Variants in DHX37 observed in about 807,000 individuals in gnomAD.
The protein encoded by DHX37 is probable ATP-dependent RNA helicase DHX37.
DHX37 carries 52 observed loss-of-function variants against 134.3 expected under a neutral mutation model. The ratio of observed to expected loss-of-function variants is 0.39; its 90% CI spans 0.31 to 0.49. DHX37 has a LOEUF of 0.49. Among genes scored for constraint, DHX37 ranks in the 20% least tolerant of loss-of-function variants. DHX37 has a pLI of 0.93. For synonymous variants in DHX37, 634 were observed against 670.7 expected (o/e 0.95, Z 0.85); for missense variants, 1,344 against 1,580.8 (o/e 0.85, Z 2.54).
In DHX37 at chr12:124,952,437, G is replaced by C. The variant is rs760244891; in HGVS notation, c.2829C>G (p.Ser943Arg). The C allele has an allele frequency of 2.5e-6, 4 of 1,611,060 alleles. No homozygotes were observed. In the South Asian group the frequency reaches 4.4e-5, roughly 18 times the overall value. ...LGDHLARRVQ[S>R]EEMLEDKWRN... ...TCCACTTGTCCTCCAGCATCTCCTCGCTCTGGACCCTGCGGGCCAAGTGGT... is the reference window on the plus strand; with the variant it reads ...TCCACTTGTCCTCCAGCATCTCCTCCCTCTGGACCCTGCGGGCCAAGTGGT... The change falls in exon 21 of 27, where the codon AGC becomes AGG. Residue 943 changes from serine (S) to arginine (R), a missense_variant. Ser to Arg is a moderately radical substitution (Grantham distance 110). Transcript: ENST00000308736.
In DHX37 at chr12:124,972,506, C is replaced by A. The variant is rs1458239259; in HGVS notation, c.1074G>T (p.Gln358His). 6.2e-7 allele frequency: 1 copy of A among 1,614,204 alleles called. No individual in the cohort carries two copies. Among genetic ancestry groups the A allele is most frequent in the East Asian group, 2.2e-5 (1 of 44,890 alleles). Residue 358 changes from glutamine (Q) to histidine (H), a missense_variant, in exon 7 of 27, where the codon CAG becomes CAT. By Grantham distance (24) the Gln-to-His change is conservative. Around this residue, in one of 7 missense-constraint regions of DHX37, gnomAD observed 30 missense variants for 72.5 expected, o/e 0.41. Transcript: ENST00000308736. ...TGAGCCAGGATCCACAACCAACCTTCTGGATTTCTTTAAGCAGCACACCAT... is the reference window on the plus strand; with the variant it reads ...TGAGCCAGGATCCACAACCAACCTTATGGATTTCTTTAAGCAGCACACCAT... ...MTDGVLLKEIQKDFLLLRYKV... is the reference protein window; with the variant it reads ...MTDGVLLKEIHKDFLLLRYKV...
Position 124,980,389 on chromosome 12 carries a change from G to A in DHX37, c.738+101C>T. 2 of 1,284,058 alleles carry A rather than the reference G, an allele frequency of 1.6e-6. No homozygotes were observed. Among genetic ancestry groups the A allele is most frequent in the East Asian group, 2.6e-5 (1 of 39,174 alleles). 79.5% of individuals were successfully genotyped at this position (1,284,058 alleles called of 1,614,324 possible). On this transcript the variant is annotated intron_variant, in intron 4 of 26. Transcript: ENST00000308736. This position sits in a 1 kb window ranked among gnomAD's most constrained non-coding sequence, Gnocchi z 5.3. ...CCCTTTCCCAGATGGGGACATGGAGGCACAGAGAAGGGATGCCCTTGCCCC... is the reference window on the plus strand; with the variant it reads ...CCCTTTCCCAGATGGGGACATGGAGACACAGAGAAGGGATGCCCTTGCCCC...
intron 15 of DHX37, among the ~76,000 whole-genome samples, chr12:124,961,272 G>GTGCA (rs1954252698): frequency 2.2e-5 from 2 of 90,854 alleles, no homozygotes; most frequent in East Asian, 5.8e-4. Context: ...ACATACACGC[G>GTGCA]TGCACGCACA....
chr12:124,968,551 T>C lies in DHX37; in HGVS notation c.1391A>G (p.His464Arg). ...GGCCTCACCTGCGGGCAGCATCCGG[T>C]GGATCTTGCAGACCTTCCGGAAGCA... The part of the protein sequence containing the change: ...GECFRKVCKI[H>R]RMLPAGGILV... The change falls in exon 10 of 27, where the codon CAC (histidine) becomes CGC (arginine). Residue 464 changes from histidine to arginine, a missense_variant. This residue lies in a region of DHX37 where 289 missense variants were observed against 323.8 expected (regional missense o/e 0.89). Transcript: ENST00000308736. 1.2e-6 allele frequency: 2 copies of C among 1,613,640 alleles called. No individual in the cohort carries two copies. Among genetic ancestry groups the C allele is most frequent in the Non-Finnish European group, 1.7e-6 (2 of 1,180,038 alleles).
intron 8 of DHX37, among the ~76,000 whole-genome samples, chr12:124,969,570 CTGCT>C (rs763980820): frequency 6.6e-5 from 10 of 151,972 alleles, no homozygotes; most frequent in Non-Finnish European, 1.0e-4. Flanking sequence ...CTCACCCTCT[CTGCT>C]TGGCCACTCT....
rs746977756 is a variant in DHX37, at chr12:124,975,444, C to T, written c.955G>A (p.Ala319Thr). The T allele has an allele frequency of 7.5e-5, 121 of 1,612,964 alleles. 1 individual carries two copies. In the East Asian group the frequency reaches 2.6e-3, roughly 35 times the overall value. ...VAAVAMSQRV[A>T]KEMNLSQRVV... ...CGCTGGGACAGATTCATCTCCTTGG[C>T]CACTCGCTGGGACATGGCCACGGCG... Residue 319 changes from alanine to threonine, a missense_variant, in exon 6 of 27, where the codon GCC (alanine) becomes ACC (threonine). By Grantham distance (58) the Ala-to-Thr change is moderately conservative. This residue lies in a region of DHX37 where 32 missense variants were observed against 28.9 expected (regional missense o/e 1.11). Coordinates refer to ENST00000308736, the MANE Select transcript of DHX37 (RefSeq NM_032656.4).
intron 25 of DHX37, 57 bp from the exon 26 acceptor site, chr12:124,948,238 C>T: frequency 6.4e-7 from 1 of 1,574,196 alleles, no homozygotes; most frequent in Non-Finnish European, 8.6e-7. Flanking sequence ...CCGGCTGCTG[C>T]TGGGGGCCCG....
Position 124,982,503 on chromosome 12 carries a change from C to T in DHX37, c.389+8G>A, listed in dbSNP as rs1565894363. ...AGGGCAGGGTTAGCAAAGGACTGGC[C>T]AACTCACTCTTTGGTGTGATACATG... is the stretch of plus-strand genomic sequence containing the variant. On this transcript the variant is annotated splice_region_variant and intron_variant, in intron 3 of 26. Coordinates refer to ENST00000308736, the MANE Select transcript of DHX37 (RefSeq NM_032656.4). 1 of 1,612,980 alleles carries T rather than the reference C, an allele frequency of 6.2e-7. No individual in the cohort carries two copies. The highest frequency in any genetic ancestry group is 8.5e-7 in the Non-Finnish European group (1 of 1,179,388).
rs117859189 is a variant in DHX37 at position 124,947,538 on chromosome 12, C to A, written c.*264G>T. On this transcript the variant is annotated 3_prime_UTR_variant, in exon 27 of 27. Coordinates refer to ENST00000308736, the MANE Select transcript of DHX37 (RefSeq NM_032656.4). ...AATGTAGTCCAAAGAGCACACTGAA[C>A]AGAACAGCGTCCAGCACGTGAGATG... 18 of 437,360 alleles carry A rather than the reference C, an allele frequency of 4.1e-5. No individual in the cohort carries two copies. Among genetic ancestry groups the A allele is most frequent in the African/African-American group, 3.3e-4 (17 of 50,922 alleles). 27.1% of individuals were successfully genotyped at this position (437,360 alleles called of 1,614,324 possible). A position where few individuals can be genotyped will look rare whatever the true frequency, so the allele number is the denominator to read the frequency against.
intron 6 of DHX37, 33 bp downstream of exon 6, chr12:124,975,386 C>T (rs1479769023): frequency 8.1e-6 from 13 of 1,607,486 alleles, no homozygotes; most frequent in African/African-American, 1.3e-5. Flanking sequence ...CAGGACCACC[C>T]CATAGTCCGC....
At position 124,984,281 on chromosome 12, in the gene DHX37, C is replaced by T. The variant is rs540094394; in HGVS notation, c.277-1658G>A. ...GGCGCAGTGGCTCACGCCTATAATC[C>T]CTGCACTCGGGGAGGCCGAGGCAGG... On this transcript the variant is annotated intron_variant, in intron 2 of 26. Coordinates refer to ENST00000308736, the MANE Select transcript of DHX37 (RefSeq NM_032656.4). Among the ~76,000 whole-genome samples the T allele has an allele frequency of 2.0e-4, 30 of 152,122 alleles. 1 individual carries two copies. Among genetic ancestry groups the T allele is most frequent in the Non-Finnish European group, 3.4e-4 (23 of 68,006 alleles).
At chr12:124,953,740 T>C in intron 20 of DHX37, 140 bp downstream of exon 20, 2 of 1,373,476 alleles carry the variant, frequency 1.5e-6, no homozygotes, top group Non-Finnish European at 1.9e-6. Flanking sequence ...GCTCCCCAAG[T>C]ATTGATTTAG....
chr12:124,971,485 C>T (rs1954522555), intron 7 of DHX37, 70 bp from the exon 8 acceptor site: 1 of 1,567,060 alleles, frequency 6.4e-7, no homozygotes, highest in Non-Finnish European at 8.7e-7. Context: ...CGTCCCAGAA[C>T]TCCCACTTGA....
chr12:124,974,068 C>T (rs1024448735), intron 6 of DHX37, among the ~76,000 whole-genome samples: 2 of 152,064 alleles, frequency 1.3e-5, no homozygotes, highest in Admixed American at 6.6e-5. Context: ...ATTCTCCTGC[C>T]TCAGCCTCCC....
rs745467067 is a variant in DHX37, at chr12:124,975,506, T to C, written c.893A>G (p.Asp298Gly). ...FLYEAGFSSE[D>G]SIIGVTEPRR... ...GGGCTCCGTGACACCGATGATGCTG[T>C]CTTCACTGGGGGAGGAAGAACATGG... Residue 298 changes from aspartate (D) to glycine (G), a missense_variant, in exon 6 of 27, where the codon GAC (aspartate) becomes GGC (glycine). Coordinates refer to ENST00000308736, the MANE Select transcript of DHX37 (RefSeq NM_032656.4). 1 of 1,612,324 alleles carries C rather than the reference T, an allele frequency of 6.2e-7. No homozygotes were observed.
chr12:124,960,961 A>G (rs1954226517), intron 15 of DHX37, among the ~76,000 whole-genome samples: 1 of 152,242 alleles, frequency 6.6e-6, no homozygotes, highest in African/African-American at 2.4e-5. Context: ...CTCAAAACCA[A>G]AAGAAAAGGT....
chr12:124,958,380 TAC>T (rs1317480544), intron 16 of DHX37, among the ~76,000 whole-genome samples: 3 of 152,180 alleles, frequency 2.0e-5, no homozygotes, highest in Non-Finnish European at 4.4e-5. Context: ...GCGGAGTTTC[TAC>T]AGAGTGGACT....
At chr12:124,977,530 C>A (rs1233298414) in intron 4 of DHX37, 40 bp from the exon 5 acceptor site, 25 of 1,548,636 alleles carry the variant, frequency 1.6e-5, no homozygotes, top group Non-Finnish European at 2.0e-5. Context: ...AGCAGCAAGA[C>A]TATAGACAGT....
intron 6 of DHX37, 42 bp downstream of exon 6, chr12:124,975,377 A>G (rs1238191410): frequency 6.3e-7 from 1 of 1,599,160 alleles, no homozygotes; most frequent in Non-Finnish European, 8.6e-7. Context: ...GCAAGGCCAC[A>G]GGACCACCCC....
Sources: gnomAD v4.1 joint callset for allele counts (sites outside exome capture counted in the v4.1 genomes callset) on GRCh38, gnomAD v4.1.1 for gene constraint, gnomAD v4.1.1 regional missense constraint, Gnocchi (gnomAD v3.1) non-coding constraint, MANE v1.5 for transcripts, NCBI Gene and HGNC (gene_info 2026-07-23, HGNC 2026-07-21) for gene names.